The following PANK1 variants were observed in gnomAD, a reference collection of about 807,000 sequenced individuals.
The protein encoded by PANK1 is pantothenic acid kinase 1.
PANK1 carries 18 observed loss-of-function variants against 40.1 expected under a neutral mutation model. That is an observed-to-expected ratio of 0.45 (90% CI 0.31 to 0.67). The LOEUF is 0.67. Ranked by LOEUF, PANK1 falls within the 30% of genes least tolerant of loss-of-function variation. The probability of loss-of-function intolerance (pLI) is 0.06; values close to 1 mark genes in which losing one functional copy is unlikely to be tolerated. For missense variants in PANK1, 457 were observed against 599.6 expected (o/e 0.76, Z 2.48); for synonymous variants, 242 against 237.7 (o/e 1.02, Z -0.17).
chr10:89,620,877 T>C (rs1007792446), intron 1 of PANK1, among the ~76,000 whole-genome samples: 1 of 152,180 alleles, frequency 6.6e-6, no homozygotes, highest in African/African-American at 2.4e-5. Flanking sequence ...CGGCCAACAC[T>C]TAGGGAAAAC....
intron 3 of PANK1, among the ~76,000 whole-genome samples, chr10:89,595,704 T>A (rs1294514105): frequency 1.4e-5 from 2 of 143,664 alleles, no homozygotes; most frequent in African/African-American, 5.3e-5. Flanking sequence ...CCTGTAATCC[T>A]AGCTACTCTG....
In PANK1 at chr10:89,629,715, C is replaced by T. The variant is rs1484869706; in HGVS notation, c.292+14885G>A. On this transcript the variant is annotated intron_variant, in intron 1 of 6. Coordinates refer to ENST00000307534, the MANE Select transcript of PANK1 (RefSeq NM_148977.3). Reference sequence around the variant, plus strand: ...CTTACGGATGATAGCTGCAGCTTCACGAACTTCACCCATTTATTTCTGTAC... The same window carrying T: ...CTTACGGATGATAGCTGCAGCTTCATGAACTTCACCCATTTATTTCTGTAC... Among the ~76,000 whole-genome samples, 6 of 152,302 alleles carry T rather than the reference C, an allele frequency of 3.9e-5. No individual in the cohort carries two copies. In the South Asian group the frequency reaches 1.0e-3, roughly 26 times the overall value.
At chr10:89,640,198 A>C (rs756338526) in intron 1 of PANK1, among the ~76,000 whole-genome samples, 38 of 152,308 alleles carry the variant, frequency 2.5e-4, no homozygotes, top group Admixed American at 1.0e-3. Context: ...GGACACAGAG[A>C]TGTCACTCAA....
chr10:89,585,147 A>T (rs1844159602), intron 6 of PANK1, among the ~76,000 whole-genome samples: 1 of 152,074 alleles, frequency 6.6e-6, no homozygotes, highest in Admixed American at 6.6e-5. Context: ...TCTGGTGAGG[A>T]CCCATTCCTC....
intron 2 of PANK1, among the ~76,000 whole-genome samples, chr10:89,610,960 G>A (rs915531225): frequency 2.0e-5 from 3 of 147,350 alleles, no homozygotes; most frequent in African/African-American, 7.4e-5. Context: ...TGAAGAAATT[G>A]GAATGCACAG....
intron 2 of PANK1, among the ~76,000 whole-genome samples, chr10:89,610,074 A>C (rs577941682): frequency 3.3e-5 from 5 of 152,302 alleles, no homozygotes; most frequent in Admixed American, 2.6e-4. Flanking sequence ...GCTCTTACCT[A>C]GGTGACACTG....
At chr10:89,630,586 G>A (rs372881858) in intron 1 of PANK1, among the ~76,000 whole-genome samples, 1 of 151,446 alleles carries the variant, frequency 6.6e-6, no homozygotes, top group African/African-American at 2.4e-5. Flanking sequence ...TCTGCCTCCC[G>A]GGTTCACACC....
chr10:89,616,259 T>C (rs187157657), intron 1 of PANK1, among the ~76,000 whole-genome samples: 6 of 152,270 alleles, frequency 3.9e-5, no homozygotes, highest in African/African-American at 1.4e-4. Context: ...ACATCCATCT[T>C]TGAGCAACAA....
rs116855088 is a variant in PANK1 at position 89,592,483 on chromosome 10, T to C, written c.1200+714A>G. ...TATGTCACCTCTATTAAAAGCTGTA[T>C]TTATAAAAACTCCATTACAGATCTA... On this transcript the variant is annotated intron_variant, in intron 5 of 6. Coordinates refer to ENST00000307534, the MANE Select transcript of PANK1 (RefSeq NM_148977.3). Among the ~76,000 whole-genome samples, 290 of 152,328 alleles carry C rather than the reference T, an allele frequency of 1.9e-3. 1 individual carries two copies. Among genetic ancestry groups the C allele is most frequent in the Non-Finnish European group, 3.5e-3 (236 of 68,028 alleles).
At chr10:89,598,660 T>TG (rs1199593068) in intron 3 of PANK1, among the ~76,000 whole-genome samples, 1 of 152,312 alleles carries the variant, frequency 6.6e-6, no homozygotes, top group East Asian at 1.9e-4. Context: ...ACATGGGCCT[T>TG]GGGGTGTGTG....
At chr10:89,644,418 C>G (rs1427996601) in intron 1 of PANK1, among the ~76,000 whole-genome samples, 182 bp downstream of exon 1, 1 of 152,246 alleles carries the variant, frequency 6.6e-6, no homozygotes, top group East Asian at 1.9e-4. Context: ...AGGCAAAGAC[C>G]TGTAGTGCTT....
chr10:89,638,916 A>G (rs903696906), intron 1 of PANK1, among the ~76,000 whole-genome samples: 9 of 151,826 alleles, frequency 5.9e-5, no homozygotes, highest in Non-Finnish European at 1.2e-4. Flanking sequence ...TGCTCTGTTC[A>G]TAGCAACATA....
intron 2 of PANK1, among the ~76,000 whole-genome samples, chr10:89,610,373 T>G (rs1219655369): frequency 1.3e-5 from 2 of 152,114 alleles, no homozygotes; most frequent in Non-Finnish European, 2.9e-5. Flanking sequence ...TCTTTGATCA[T>G]GAGCCTCTTT....
Position 89,611,794 on chromosome 10 carries a change from AC to A in PANK1, c.546del (p.Arg182SerfsTer34). The A allele has an allele frequency of 6.2e-7, 1 of 1,614,142 alleles. No individual in the cohort carries two copies. The part of the protein sequence containing the change: ...FIRFPSCAMH[R>X]FIQMGSEKNF... ...TTCTTCTCGCTGCCCATCTGAATGA[AC>A]CTGTGCATAGCACAGCTGGGAAAGC... On this transcript the variant is annotated frameshift_variant, in exon 2 of 7. Coordinates refer to ENST00000307534, the MANE Select transcript of PANK1 (RefSeq NM_148977.3). LOFTEE classifies it high-confidence loss of function.
intron 3 of PANK1, among the ~76,000 whole-genome samples, chr10:89,597,927 G>T (rs1236758618): frequency 6.6e-6 from 1 of 152,186 alleles, no homozygotes; most frequent in Non-Finnish European, 1.5e-5. Flanking sequence ...ATGAGAAAAT[G>T]TATACTTGGT....
At chr10:89,589,239 T>C (rs1844296526) in intron 5 of PANK1, among the ~76,000 whole-genome samples, 1 of 152,178 alleles carries the variant, frequency 6.6e-6, no homozygotes, top group East Asian at 1.9e-4. Flanking sequence ...TGCTGGACAC[T>C]AGAAATACAA....
chr10:89,634,937 G>C (rs1321781284), intron 1 of PANK1, among the ~76,000 whole-genome samples: 1 of 152,028 alleles, frequency 6.6e-6, no homozygotes, highest in African/African-American at 2.4e-5. Context: ...AGGGTATTAG[G>C]GAAGCTTCCA....
At chr10:89,592,009 C>T (rs1844407567) in intron 5 of PANK1, among the ~76,000 whole-genome samples, 2 of 152,156 alleles carry the variant, frequency 1.3e-5, no homozygotes, top group Admixed American at 1.3e-4. Context: ...GGTCTTGGGG[C>T]TTGTTTCATT....
At chr10:89,621,281 A>G (rs1037794321) in intron 1 of PANK1, among the ~76,000 whole-genome samples, 2 of 151,090 alleles carry the variant, frequency 1.3e-5, no homozygotes, top group African/African-American at 4.9e-5. Context: ...AGCCTGGGCA[A>G]TAAGAGCACA....
Sources: allele counts gnomAD v4.1 joint callset (sites outside exome capture counted in the v4.1 genomes callset), GRCh38; gene constraint gnomAD v4.1.1; transcripts MANE v1.5; gene names NCBI Gene and HGNC (gene_info 2026-07-23, HGNC 2026-07-21).